Variants in E2F3 observed in about 807,000 individuals in gnomAD.
E2F3 encodes the protein E2F transcription factor 3.
A neutral mutation model predicts 44.4 loss-of-function variants in E2F3; 11 were observed. The observed-to-expected ratio is 0.25, with a 90% CI of 0.16 to 0.41. The LOEUF (loss-of-function observed/expected upper bound fraction) is 0.41. E2F3 is among the 10% of genes least tolerant of loss of function. E2F3 has a pLI of 1.00. For missense variants in E2F3, 487 were observed against 583.6 expected, an observed-to-expected ratio of 0.83 and a Z score of 1.70; for synonymous variants, 249 against 253.0, an observed-to-expected ratio of 0.98 and a Z score of 0.15.
intron 1 of E2F3, among the ~76,000 whole-genome samples, chr6:20,415,533 C>T (rs543823148): frequency 1.3e-5 from 2 of 152,314 alleles, no homozygotes; most frequent in East Asian, 1.9e-4. Flanking sequence ...ATTATCTTCA[C>T]ACTGTCAAAT....
At chr6:20,480,025 C>A in intron 2 of E2F3, 68 bp downstream of exon 2, 1 of 1,530,574 alleles carries the variant, frequency 6.5e-7, no homozygotes, top group South Asian at 1.2e-5. Context: ...AAGCTTATGG[C>A]CGGAAGGATG....
intron 1 of E2F3, among the ~76,000 whole-genome samples, chr6:20,434,661 G>C (rs1554136893): frequency 6.6e-6 from 1 of 152,174 alleles, no homozygotes; most frequent in Non-Finnish European, 1.5e-5. Flanking sequence ...AAGTTTAACT[G>C]TTGTATAGTA....
intron 1 of E2F3, among the ~76,000 whole-genome samples, chr6:20,418,664 G>A (rs1459211583): frequency 6.6e-6 from 1 of 151,644 alleles, no homozygotes; most frequent in African/African-American, 2.4e-5. Flanking sequence ...AGCTGTGTCA[G>A]AGTAAAGGCA....
rs933039650 is a variant in E2F3, at chr6:20,402,875, C to T, written c.393+250C>T. ...TTGGCGCGAACCACATCAAACACTC[C>T]AAAACTTTTCGCGGCCCCCCCTTCT... On this transcript the variant is annotated intron_variant, in intron 1 of 6. Transcript: ENST00000346618. This position sits in a 1 kb window ranked among gnomAD's most constrained non-coding sequence, Gnocchi z 5.6. 6.6e-6 allele frequency among the ~76,000 whole-genome samples: 1 copy of T among 152,150 alleles called. No homozygotes were observed.
intron 1 of E2F3, among the ~76,000 whole-genome samples, chr6:20,431,963 C>T (rs764238882): frequency 6.6e-6 from 1 of 152,208 alleles, no homozygotes; most frequent in Non-Finnish European, 1.5e-5. Flanking sequence ...TTCACCTGGT[C>T]GTCCCTCTGT....
intron 1 of E2F3, among the ~76,000 whole-genome samples, chr6:20,453,074 G>T (rs944122664): frequency 1.3e-5 from 2 of 151,938 alleles, no homozygotes; most frequent in African/African-American, 4.8e-5. Flanking sequence ...TTGGATTCTT[G>T]CTCTTTTTCT....
At chr6:20,442,418 C>A (rs1760807795) in intron 1 of E2F3, among the ~76,000 whole-genome samples, 1 of 152,228 alleles carries the variant, frequency 6.6e-6, no homozygotes, top group South Asian at 2.1e-4. Flanking sequence ...CACCAATTAT[C>A]TCAGTAACTT....
chr6:20,479,372 C>T (rs2127619863), intron 1 of E2F3, among the ~76,000 whole-genome samples: 1 of 152,296 alleles, frequency 6.6e-6, no homozygotes, highest in African/African-American at 2.4e-5. Flanking sequence ...ATAAGTCTTA[C>T]AGTAATACCG....
At chr6:20,447,513 T>C (rs564118743) in intron 1 of E2F3, among the ~76,000 whole-genome samples, 6 of 146,148 alleles carry the variant, frequency 4.1e-5, no homozygotes, top group African/African-American at 1.5e-4. Flanking sequence ...AGTTCACCAG[T>C]GCACCACACT....
intron 1 of E2F3, among the ~76,000 whole-genome samples, chr6:20,447,483 C>G (rs1315927854): frequency 7.1e-6 from 1 of 140,632 alleles, no homozygotes; most frequent in Non-Finnish European, 1.5e-5. Context: ...CAGCTCTAAA[C>G]TTGAGCAGGT....
intron 1 of E2F3, among the ~76,000 whole-genome samples, chr6:20,418,239 G>A (rs546669228): frequency 1.3e-5 from 2 of 152,334 alleles, no homozygotes; most frequent in Non-Finnish European, 2.9e-5. Flanking sequence ...GAATAGAGCA[G>A]CGCTGTCCAT....
Position 20,490,930 on chromosome 6 carries a change from A to G in E2F3, c.*500A>G, listed in dbSNP as rs1762537887. On this transcript the variant is annotated 3_prime_UTR_variant, in exon 7 of 7. Coordinates refer to ENST00000346618, the MANE Select transcript of E2F3 (RefSeq NM_001949.5). The surrounding 1 kb of genome is among the most constrained non-coding windows in gnomAD (Gnocchi z 4.3). ...GCAAATGCAAACTTGAAGTCATGCA[A>G]AAGTATGAAATGGATTTCTTCAGCT... 4.3e-6 allele frequency: 1 copy of G among 229,944 alleles called. No homozygotes were observed. 14.2% of individuals were successfully genotyped at this position (229,944 alleles called of 1,614,324 possible).
In E2F3 at chr6:20,402,292, G is replaced by A; in HGVS notation, c.60G>A (p.Glu20=). 1 of 1,608,546 alleles carries A rather than the reference G, an allele frequency of 6.2e-7. No homozygotes were observed. Among genetic ancestry groups the A allele is most frequent in the Non-Finnish European group, 8.5e-7 (1 of 1,178,648 alleles). ...EQYLVTAGGG[E]GAAVVAAAAA... The stretch of plus-strand genomic sequence containing the variant: ...ACCTGGTGACCGCCGGGGGTGGGGA[G>A]GGGGCGGCTGTCGTCGCCGCCGCCG... The change falls in exon 1 of 7, where the codon GAG becomes GAA. Residue 20 remains glutamate, a synonymous_variant. Coordinates refer to ENST00000346618, the MANE Select transcript of E2F3 (RefSeq NM_001949.5). The surrounding 1 kb of genome is among the most constrained non-coding windows in gnomAD (Gnocchi z 5.6).
intron 1 of E2F3, among the ~76,000 whole-genome samples, chr6:20,437,398 T>G (rs1435136661): frequency 6.6e-6 from 1 of 152,228 alleles, no homozygotes; most frequent in East Asian, 1.9e-4. Flanking sequence ...CCAATCAAGT[T>G]TGGAAATGGA....
intron 1 of E2F3, among the ~76,000 whole-genome samples, chr6:20,459,759 G>T (rs1761436812): frequency 6.6e-6 from 1 of 152,040 alleles, no homozygotes; most frequent in African/African-American, 2.4e-5. Flanking sequence ...CCTGGGCAAT[G>T]TGGTGAAACC....
At chr6:20,428,858 C>T (rs1166111475) in intron 1 of E2F3, among the ~76,000 whole-genome samples, 1 of 152,066 alleles carries the variant, frequency 6.6e-6, no homozygotes, top group African/African-American at 2.4e-5. Flanking sequence ...TTTTGTTATT[C>T]TAAGCTGCCC....
intron 1 of E2F3, among the ~76,000 whole-genome samples, chr6:20,409,962 A>G (rs1293215956): frequency 6.6e-6 from 1 of 152,184 alleles, no homozygotes; most frequent in African/African-American, 2.4e-5. Context: ...TTTCCTCTGG[A>G]AAGTTTTTTG....
chr6:20,484,062 G>A (rs187311768), intron 4 of E2F3, among the ~76,000 whole-genome samples: 54 of 152,292 alleles, frequency 3.5e-4, no homozygotes, highest in African/African-American at 1.1e-3. Flanking sequence ...CCAACAGTTG[G>A]GCTGTTTCAT....
chr6:20,447,573 T>TCTAG (rs1760991172), intron 1 of E2F3, among the ~76,000 whole-genome samples: 1 of 151,894 alleles, frequency 6.6e-6, no homozygotes, highest in Non-Finnish European at 1.5e-5. Flanking sequence ...TTTGCACTGA[T>TCTAG]CTAGCCTCTA....
Sources: allele counts gnomAD v4.1 joint callset (sites outside exome capture counted in the v4.1 genomes callset), GRCh38; gene constraint gnomAD v4.1.1; non-coding constraint Gnocchi (gnomAD v3.1); transcripts MANE v1.5; gene names NCBI Gene and HGNC (gene_info 2026-07-23, HGNC 2026-07-21).